RYR3: variants seen among roughly 807,000 people sequenced by gnomAD.
RYR3 encodes the protein brain ryanodine receptor-calcium release channel.
RYR3 carries 207 observed loss-of-function variants against 584.3 expected under a neutral mutation model. That is an observed-to-expected ratio of 0.35 (90% CI 0.32 to 0.40). RYR3 has a LOEUF of 0.40. Among genes scored for constraint, RYR3 ranks in the 10% least tolerant of loss-of-function variants. RYR3 has a pLI of 1.00. For missense variants in RYR3, 5,616 were observed against 6,089.2 expected (o/e 0.92, Z 2.59); for synonymous variants, 2,416 against 2,248.5 (o/e 1.07, Z -2.11).
chr15:33,325,250 A>G (rs977686155), intron 1 of RYR3, among the ~76,000 whole-genome samples: 2 of 152,218 alleles, frequency 1.3e-5, no homozygotes, highest in Admixed American at 1.3e-4. Context: ...TAACCACTCT[A>G]TAGGACCCCT....
intron 40 of RYR3, among the ~76,000 whole-genome samples, chr15:33,698,679 G>T (rs541658626): frequency 6.6e-6 from 1 of 152,244 alleles, no homozygotes; most frequent in South Asian, 2.1e-4. Flanking sequence ...TACTGGGGAG[G>T]GGGTGGGTGT....
chr15:33,501,623 T>C (rs187794188), intron 2 of RYR3, among the ~76,000 whole-genome samples: 1 of 152,240 alleles, frequency 6.6e-6, no homozygotes, highest in East Asian at 1.9e-4. Context: ...TCTGGGAACA[T>C]GAAATTCAGG....
intron 1 of RYR3, among the ~76,000 whole-genome samples, chr15:33,353,618 G>T (rs1973570204): frequency 6.6e-6 from 1 of 152,198 alleles, no homozygotes; most frequent in African/African-American, 2.4e-5. Context: ...ATGGATGGTT[G>T]CCCTAGTGGA....
At chr15:33,555,413 A>G (rs879510328) in intron 10 of RYR3, among the ~76,000 whole-genome samples, 3 of 152,224 alleles carry the variant, frequency 2.0e-5, no homozygotes, top group Non-Finnish European at 2.9e-5. Flanking sequence ...CCTGAAGACA[A>G]CATCACTTAC....
At chr15:33,368,889 A>G (rs1975909328) in intron 1 of RYR3, among the ~76,000 whole-genome samples, 1 of 152,156 alleles carries the variant, frequency 6.6e-6, no homozygotes, top group Non-Finnish European at 1.5e-5. Context: ...CAGTGTCCTG[A>G]AAACTTTACC....
intron 1 of RYR3, among the ~76,000 whole-genome samples, chr15:33,321,177 A>G (rs1218156472): frequency 1.3e-5 from 2 of 152,208 alleles, no homozygotes; most frequent in African/African-American, 4.8e-5. Context: ...TGCTTTGGGG[A>G]GACATTTTTT....
chr15:33,557,398 T>C (rs190409653), intron 10 of RYR3, among the ~76,000 whole-genome samples: 2 of 152,328 alleles, frequency 1.3e-5, no homozygotes, highest in Admixed American at 1.3e-4. Flanking sequence ...TTTTTATTGA[T>C]TTTTTGAGAC....
chr15:33,620,859 T>C (rs4780136), intron 19 of RYR3, among the ~76,000 whole-genome samples: 21,293 of 152,212 alleles, frequency 0.14, 2,057 homozygotes, highest in East Asian at 0.5. Context: ...ACAGGGAATG[T>C]CATCTGCAGG....
intron 43 of RYR3, among the ~76,000 whole-genome samples, chr15:33,711,303 G>A (rs2067102915): frequency 7.8e-6 from 1 of 128,752 alleles, no homozygotes; most frequent in Non-Finnish European, 1.5e-5. Flanking sequence ...GAGTGCAGTG[G>A]CATGATCTCA....
intron 90 of RYR3, among the ~76,000 whole-genome samples, chr15:33,841,368 A>C (rs2078352808): frequency 6.6e-6 from 1 of 152,214 alleles, no homozygotes; most frequent in Non-Finnish European, 1.5e-5. Context: ...CTATATAATA[A>C]ATACCTTATA....
intron 1 of RYR3, among the ~76,000 whole-genome samples, chr15:33,336,568 G>A (rs982758621): frequency 1.4e-5 from 2 of 143,386 alleles, no homozygotes. Flanking sequence ...GAAGAAAAAA[G>A]CACCATGAGC....
At chr15:33,677,454 C>T (rs1168343700) in intron 38 of RYR3, among the ~76,000 whole-genome samples, 1 of 152,222 alleles carries the variant, frequency 6.6e-6, no homozygotes, top group Non-Finnish European at 1.5e-5. Context: ...TCTGTCCTCA[C>T]TGTGCTCTTT....
chr15:33,745,922 A>G, intron 52 of RYR3, 146 bp from the exon 53 acceptor site: 1 of 653,010 alleles, frequency 1.5e-6, no homozygotes, highest in Non-Finnish European at 2.8e-6. Context: ...GCCTGAAAAG[A>G]TCAATTAGGC....
intron 64 of RYR3, among the ~76,000 whole-genome samples, chr15:33,774,387 T>C (rs1205294957): frequency 6.6e-6 from 1 of 152,228 alleles, no homozygotes; most frequent in Non-Finnish European, 1.5e-5. Flanking sequence ...GTGCTTACAA[T>C]TACTTAATCG....
rs757021127 is a variant in RYR3 at position 33,335,300 on chromosome 15, T to C, written c.51+24204T>C. Among the ~76,000 whole-genome samples, 6 of 152,296 alleles carry C rather than the reference T, an allele frequency of 3.9e-5. No individual in the cohort carries two copies. In the South Asian group the frequency reaches 1.2e-3, roughly 32 times the overall value. ...ACCTAAATGCCCATCAGTGATAGACTGGATAAAGAAAATGCAGTACATATA... is the reference window on the plus strand; with the variant it reads ...ACCTAAATGCCCATCAGTGATAGACCGGATAAAGAAAATGCAGTACATATA... On this transcript the variant is annotated intron_variant, in intron 1 of 103. Transcript: ENST00000634891.
At chr15:33,758,731 A>G (rs570801769) in intron 60 of RYR3, among the ~76,000 whole-genome samples, 1 of 152,132 alleles carries the variant, frequency 6.6e-6, no homozygotes, top group East Asian at 1.9e-4. Flanking sequence ...GCAGACTTAA[A>G]AGTTCCTGCC....
intron 43 of RYR3, among the ~76,000 whole-genome samples, chr15:33,709,596 C>T (rs1054120897): frequency 1.3e-5 from 2 of 152,282 alleles, no homozygotes; most frequent in South Asian, 2.1e-4. Context: ...CTGGAGGCCA[C>T]GAGTTCAACA....
chr15:33,809,764 T>C (rs1449801305), intron 70 of RYR3, among the ~76,000 whole-genome samples: 1 of 152,122 alleles, frequency 6.6e-6, no homozygotes, highest in Non-Finnish European at 1.5e-5. Context: ...GCCTCCCAAG[T>C]AGCTGGGATT....
At position 33,580,048 on chromosome 15, in the gene RYR3, C is replaced by T. The variant is rs370829333; in HGVS notation, c.1341C>T (p.Ile447=). 109 of 1,613,588 alleles carry T rather than the reference C, an allele frequency of 6.8e-5. No homozygotes were observed. Among genetic ancestry groups the T allele is most frequent in the African/African-American group, 4.5e-4 (34 of 74,894 alleles). Residue 447 remains isoleucine, a synonymous_variant, in exon 13 of 104, where the codon ATC becomes ATT. Transcript: ENST00000634891. ...TCCTGCAGACCCTACAGGACTTGATCGCCTACTTCCAGCCCCCAGAGGAGG... is the reference window on the plus strand; with the variant it reads ...TCCTGCAGACCCTACAGGACTTGATTGCCTACTTCCAGCCCCCAGAGGAGG... ...EEVLQTLQDL[I]AYFQPPEEEM...
Sources: allele counts gnomAD v4.1 joint callset (sites outside exome capture counted in the v4.1 genomes callset), GRCh38; gene constraint gnomAD v4.1.1; transcripts MANE v1.5; gene names NCBI Gene and HGNC (gene_info 2026-07-23, HGNC 2026-07-21).